The following RFESD variants were observed in gnomAD, a reference collection of about 807,000 sequenced individuals.
The protein encoded by RFESD is Rieske Fe-S domain containing.
In RFESD, 16 loss-of-function variants were observed where a neutral mutation model predicts 24.4. The observed-to-expected ratio is 0.66, with a 90% CI of 0.44 to 1.00. RFESD has a LOEUF of 1.00. Ranked by LOEUF, RFESD falls within the 50% of genes least tolerant of loss-of-function variation. The pLI is 0.00. For missense variants in RFESD, 208 were observed against 247.0 expected (o/e 0.84, Z 1.06); for synonymous variants, 59 against 81.8 (o/e 0.72, Z 1.50).
chr5:95,650,383 A>G (rs1372428207), intron 1 of RFESD, among the ~76,000 whole-genome samples: 7 of 152,164 alleles, frequency 4.6e-5, no homozygotes, highest in Admixed American at 4.6e-4. Flanking sequence ...ACATGCACAA[A>G]CATGAACACA....
At chr5:95,655,958 TAACCTGG>T in intron 5 of RFESD, 81 bp from the exon 6 acceptor site, 1 of 1,275,734 alleles carries the variant, frequency 7.8e-7, no homozygotes, top group Admixed American at 2.3e-5. Flanking sequence ...CCTGTTTTTT[TAACCTGG>T]TTCTTCTGCA....
Position 95,652,140 on chromosome 5 carries a change from AC to A in RFESD, c.-130del, listed in dbSNP as rs1750375607. 2 of 1,198,184 alleles carry A rather than the reference AC, an allele frequency of 1.7e-6. No homozygotes were observed. Among genetic ancestry groups the A allele is most frequent in the Non-Finnish European group, 2.2e-6 (2 of 903,356 alleles). 74.2% of individuals were successfully genotyped at this position (1,198,184 alleles called of 1,614,324 possible). A position where few individuals can be genotyped will look rare whatever the true frequency, so the allele number is the denominator to read the frequency against. ...TTGCCTGCCTTTTTTTTTCCAGGTT[AC>A]CACCTATTTGCAATTCAAGGAGAAT... On this transcript the variant is annotated 5_prime_UTR_variant, in exon 2 of 6. Coordinates refer to ENST00000380005, the MANE Select transcript of RFESD (RefSeq NM_001131066.2).
Position 95,654,062 on chromosome 5 carries a change from A to G in RFESD, c.160A>G (p.Met54Val). 6.2e-7 allele frequency: 1 copy of G among 1,606,230 alleles called. No individual in the cohort carries two copies. The highest frequency in any genetic ancestry group is 8.5e-7 in the Non-Finnish European group (1 of 1,178,128). Reference protein sequence around the residue: ...VISVTSFYLSMNLDGSAQDPE... With the variant: ...VISVTSFYLSVNLDGSAQDPE... ...CTTTCCTTCTTTATGTTCAACTAGCATGAATCTTGATGGCTCTGCACAAGA... is the reference window on the plus strand; with the variant it reads ...CTTTCCTTCTTTATGTTCAACTAGCGTGAATCTTGATGGCTCTGCACAAGA... The change falls in exon 4 of 6, where the codon ATG (methionine) becomes GTG (valine). Residue 54 changes from methionine to valine, a missense_variant and splice_region_variant. By Grantham distance (21) the Met-to-Val change is conservative (BLOSUM62 1). Coordinates refer to ENST00000380005, the MANE Select transcript of RFESD (RefSeq NM_001131066.2).
At chr5:95,651,871 A>G (rs1238496696) in intron 1 of RFESD, among the ~76,000 whole-genome samples, 1 of 152,232 alleles carries the variant, frequency 6.6e-6, no homozygotes, top group African/African-American at 2.4e-5. Context: ...GGGAAAAGAG[A>G]GTAGTAATGG....
Position 95,653,925 on chromosome 5 carries a change from A to G in RFESD, c.159-136A>G, listed in dbSNP as rs1354159324. On this transcript the variant is annotated intron_variant, in intron 3 of 5. Coordinates refer to ENST00000380005, the MANE Select transcript of RFESD (RefSeq NM_001131066.2). Reference sequence around the variant, plus strand: ...AATAATAATAATCTAGTATTTATAAATGTTTTATATAGCTACAGAAAGTGC... The same window carrying G: ...AATAATAATAATCTAGTATTTATAAGTGTTTTATATAGCTACAGAAAGTGC... The G allele has an allele frequency of 3.1e-5, 19 of 612,340 alleles. 1 individual carries two copies. The highest frequency in any genetic ancestry group is 5.4e-5 in the Non-Finnish European group (19 of 351,736). 37.9% of individuals were successfully genotyped at this position (612,340 alleles called of 1,614,324 possible).
In RFESD at chr5:95,656,104, C is replaced by T. The variant is rs748865611; in HGVS notation, c.428C>T (p.Ala143Val). ...TGGCATAAATACAAAATTACTTTGG[C>T]AACAGGAGAAGGTCTGTACCAGTCT... ...CPWHKYKITL[A>V]TGEGLYQSIN... The change falls in exon 6 of 6, where the codon GCA becomes GTA. Residue 143 changes from alanine (A) to valine (V), a missense_variant. Ala to Val is a moderately conservative substitution (Grantham distance 64). Coordinates refer to ENST00000380005, the MANE Select transcript of RFESD (RefSeq NM_001131066.2). 3.7e-6 allele frequency: 6 copies of T among 1,613,594 alleles called. No individual in the cohort carries two copies. In the South Asian group the frequency reaches 5.5e-5, roughly 15 times the overall value.
intron 5 of RFESD, 127 bp from the exon 6 acceptor site, chr5:95,655,919 G>A (rs1750725982): frequency 1.3e-6 from 1 of 771,178 alleles, no homozygotes; most frequent in Non-Finnish European, 2.1e-6. Flanking sequence ...TGAATAATTT[G>A]TACATAGGAG....
intron 5 of RFESD, 89 bp downstream of exon 5, chr5:95,654,456 C>A: frequency 1.2e-6 from 1 of 866,764 alleles, no homozygotes; most frequent in Non-Finnish European, 1.8e-6. Context: ...TATTTTAATG[C>A]TTTGAATATA....
At chr5:95,654,964 TAACTG>T (rs539896067) in intron 5 of RFESD, among the ~76,000 whole-genome samples, 192 of 152,284 alleles carry the variant, frequency 1.3e-3, no homozygotes, top group African/African-American at 4.4e-3. Context: ...ACTGTAGTCT[TAACTG>T]AGGAGGAACG....
In RFESD at chr5:95,658,021, T is replaced by G. The variant is rs1383572977; in HGVS notation, c.*1712T>G. ...CAATAATGAGTAGTGTGCACTTGAT[T>G]TTTCATTCTAAATTTGTATCTCTAA... On this transcript the variant is annotated 3_prime_UTR_variant, in exon 6 of 6. Transcript: ENST00000380005. The G allele has an allele frequency of 6.6e-6, 1 of 152,156 alleles. No individual in the cohort carries two copies. The highest frequency in any genetic ancestry group is 1.9e-4 in the East Asian group (1 of 5,200). 9.4% of individuals were successfully genotyped at this position (152,156 alleles called of 1,614,324 possible).
rs758182819 is a variant in RFESD at position 95,654,108 on chromosome 5, C to T, written c.206C>T (p.Ser69Phe). The T allele has an allele frequency of 1.9e-6, 3 of 1,611,820 alleles. No homozygotes were observed. Among genetic ancestry groups the T allele is most frequent in the South Asian group, 2.2e-5 (2 of 90,972 alleles). Residue 69 changes from serine to phenylalanine, a missense_variant, in exon 4 of 6, where the codon TCT (serine) becomes TTT (phenylalanine). Physicochemically the swap from Ser to Phe is radical, Grantham distance 155 (BLOSUM62 -2). Transcript: ENST00000380005. ...SAQDPEKREY[S>F]SVCVGREDDI... Reference sequence around the variant, plus strand: ...CAAGATCCTGAAAAGAGGGAATATTCTTCTGTGTGTGTGGGCAGAGAAGAT... The same window carrying T: ...CAAGATCCTGAAAAGAGGGAATATTTTTCTGTGTGTGTGGGCAGAGAAGAT...
At chr5:95,652,653 T>G in intron 2 of RFESD, 1 of 269,792 alleles carries the variant, frequency 3.7e-6, no homozygotes, top group Non-Finnish European at 6.9e-6. Flanking sequence ...CTCTGTACTA[T>G]AAAATTAAAA....
In RFESD at chr5:95,654,281, A is replaced by G. The variant is rs143670008; in HGVS notation, c.334+45A>G. The G allele has an allele frequency of 8.0e-5, 128 of 1,608,286 alleles. 1 individual carries two copies. The East Asian group carries it at 1.9e-3, about 24-fold the overall frequency. On this transcript the variant is annotated intron_variant, in intron 4 of 5. Transcript: ENST00000380005. Reference sequence around the variant, plus strand: ...TTGTAAAACTTTAAACCATGAAACTATCAAAATTTCAGTTTTTTAGTGACT... The same window carrying G: ...TTGTAAAACTTTAAACCATGAAACTGTCAAAATTTCAGTTTTTTAGTGACT...
At chr5:95,647,868 A>G (rs1750171697) in intron 1 of RFESD, 1 of 152,142 alleles carries the variant, frequency 6.6e-6, no homozygotes, top group African/African-American at 2.4e-5. Flanking sequence ...AAAGGGTCCA[A>G]GCAGTAGGCA....
chr5:95,654,490 T>C, intron 5 of RFESD, 123 bp downstream of exon 5: 2 of 702,766 alleles, frequency 2.8e-6, no homozygotes, highest in Non-Finnish European at 4.7e-6. Context: ...TGGGAATTCA[T>C]AAGATAAATG....
chr5:95,653,621 G>A (rs768553683), intron 3 of RFESD, among the ~76,000 whole-genome samples: 2 of 152,102 alleles, frequency 1.3e-5, no homozygotes, highest in African/African-American at 2.4e-5. Flanking sequence ...ATTTATGGCC[G>A]GGCGCAGTGG....
At position 95,652,248 on chromosome 5, in the gene RFESD, A is replaced by G. The variant is rs191327239; in HGVS notation, c.-24A>G. On this transcript the variant is annotated 5_prime_UTR_variant, in exon 2 of 6. Coordinates refer to ENST00000380005, the MANE Select transcript of RFESD (RefSeq NM_001131066.2). ...ACTCTACTGATCTTGCCTCTCTACA[A>G]CCTCTCTTCCACCTGACCTCTAAAT... is the stretch of plus-strand genomic sequence containing the variant. 18 of 1,545,662 alleles carry G rather than the reference A, an allele frequency of 1.2e-5. No individual in the cohort carries two copies. The highest frequency in any genetic ancestry group is 7.9e-5 in the Admixed American group (4 of 50,876).
At chr5:95,650,537 A>G (rs928026762) in intron 1 of RFESD, among the ~76,000 whole-genome samples, 1 of 152,156 alleles carries the variant, frequency 6.6e-6, no homozygotes, top group African/African-American at 2.4e-5. Context: ...TAACACACTA[A>G]CAGAGATTTT....
At position 95,657,351 on chromosome 5, in the gene RFESD, C is replaced by G. The variant is rs1157108748; in HGVS notation, c.*1042C>G. ...GTTGTAATGTATTTAAAATAACACC[C>G]CAAGCACCCACCATGCAAAAATCAG... On this transcript the variant is annotated 3_prime_UTR_variant, in exon 6 of 6. Coordinates refer to ENST00000380005, the MANE Select transcript of RFESD (RefSeq NM_001131066.2). The G allele has an allele frequency of 6.6e-6, 1 of 151,680 alleles. No homozygotes were observed. The highest frequency in any genetic ancestry group is 1.5e-5 in the Non-Finnish European group (1 of 67,882). 9.4% of individuals were successfully genotyped at this position (151,680 alleles called of 1,614,324 possible). A position where few individuals can be genotyped will look rare whatever the true frequency, so the allele number is the denominator to read the frequency against.
Sources: gnomAD v4.1 joint callset for allele counts (sites outside exome capture counted in the v4.1 genomes callset) on GRCh38, gnomAD v4.1.1 for gene constraint, MANE v1.5 for transcripts, NCBI Gene and HGNC (gene_info 2026-07-23, HGNC 2026-07-21) for gene names.